Variants in FAT1 observed in about 807,000 individuals in gnomAD.
FAT1 encodes the protein FAT atypical cadherin 1, also known as protocadherin Fat 1.
FAT1 carries 171 observed loss-of-function variants against 329.8 expected under a neutral mutation model. The observed-to-expected ratio is 0.52, with a 90% CI of 0.46 to 0.59. FAT1 has a LOEUF of 0.59. Ranked by LOEUF, FAT1 falls within the 20% of genes least tolerant of loss-of-function variation. FAT1 has a pLI of 0.00. For missense variants in FAT1, 5,672 were observed against 5,774.4 expected (o/e 0.98, Z 0.57); for synonymous variants, 2,233 against 2,228.6 (o/e 1.00, Z -0.06).
chr4:186,649,856 T>C (rs192129793), intron 3 of FAT1, among the ~76,000 whole-genome samples: 98 of 152,360 alleles, frequency 6.4e-4, no homozygotes, highest in Admixed American at 3.9e-3. Context: ...ATGTTTAACA[T>C]ATACAATCTG....
Position 186,706,619 on chromosome 4 carries a change from C to T in FAT1, c.3209G>A (p.Arg1070Gln), listed in dbSNP as rs200050180. 4.3e-6 allele frequency: 7 copies of T among 1,613,822 alleles called. No homozygotes were observed. The highest frequency in any genetic ancestry group is 3.3e-4 in the Middle Eastern group (2 of 6,084). The stretch of plus-strand genomic sequence containing the variant: ...GCCAGAGCCATCTCTAATGGAGTAT[C>T]GGATCTCCCCATCTCTTCTGGCGTC... Reference protein sequence around the residue: ...DEDARRDGEIRYSIRDGSGVG... With the variant: ...DEDARRDGEIQYSIRDGSGVG... The change falls in exon 2 of 27, where the codon CGA (arginine) becomes CAA (glutamine). Residue 1070 changes from arginine to glutamine, a missense_variant. Coordinates refer to ENST00000441802, the MANE Select transcript of FAT1 (RefSeq NM_005245.4).
At chr4:186,638,433 T>C (rs375409006) in intron 4 of FAT1, among the ~76,000 whole-genome samples, 8 of 152,272 alleles carry the variant, frequency 5.3e-5, no homozygotes, top group African/African-American at 1.9e-4. Context: ...GCCCCTTCTG[T>C]CAATCCTTGT....
At chr4:186,702,352 A>C (rs1744371450) in intron 2 of FAT1, among the ~76,000 whole-genome samples, 1 of 152,218 alleles carries the variant, frequency 6.6e-6, no homozygotes, top group African/African-American at 2.4e-5. Flanking sequence ...ATATGTTTAG[A>C]GATCTGCTCT....
Position 186,619,047 on chromosome 4 carries a change from C to G in FAT1, c.7539G>C (p.Glu2513Asp), listed in dbSNP as rs1244489586. 6 of 1,614,008 alleles carry G rather than the reference C, an allele frequency of 3.7e-6. No individual in the cohort carries two copies. Among genetic ancestry groups the G allele is most frequent in the East Asian group, 2.2e-5 (1 of 44,882 alleles). The change falls in exon 10 of 27, where the codon GAG becomes GAC. Residue 2513 changes from glutamate (E) to aspartate (D), a missense_variant. Transcript: ENST00000441802. ...CAGAATCCCCATCCGTAGTTTTCAC[C>G]TCCATCACCAGGGTATGTAGGGGAG... is the stretch of plus-strand genomic sequence containing the variant. ...ENAPLHTLVMEVKTTDGDSGI... is the reference protein window; with the variant it reads ...ENAPLHTLVMDVKTTDGDSGI...
Position 186,597,966 on chromosome 4 carries a change from A to C in FAT1, c.12257+6T>G. ...TGATTATGAAAGTTAAGAAAAATACACATACCTCTGACCAGTATATAATCC... is the reference window on the plus strand; with the variant it reads ...TGATTATGAAAGTTAAGAAAAATACCCATACCTCTGACCAGTATATAATCC... On this transcript the variant is annotated splice_donor_region_variant and intron_variant, in intron 23 of 26. Coordinates refer to ENST00000441802, the MANE Select transcript of FAT1 (RefSeq NM_005245.4). 6.3e-7 allele frequency: 1 copy of C among 1,595,288 alleles called. No homozygotes were observed. The highest frequency in any genetic ancestry group is 8.5e-7 in the Non-Finnish European group (1 of 1,173,554).
intron 2 of FAT1, among the ~76,000 whole-genome samples, chr4:186,702,644 A>C (rs1744383227): frequency 6.6e-6 from 1 of 152,232 alleles, no homozygotes; most frequent in African/African-American, 2.4e-5. Flanking sequence ...ATGAACAAAA[A>C]GCTGCAGCAT....
rs566735115 is a variant in FAT1, at chr4:186,699,113, C to T, written c.3265+7450G>A. 1.5e-4 allele frequency among the ~76,000 whole-genome samples: 23 copies of T among 152,130 alleles called. No individual in the cohort carries two copies. In the South Asian group the frequency reaches 4.6e-3, roughly 30 times the overall value. ...TCTATGGAAAGACCATAAAATAGGG[C>T]CTGTACACGGCAAGTACTCACTAAA... On this transcript the variant is annotated intron_variant, in intron 2 of 26. Coordinates refer to ENST00000441802, the MANE Select transcript of FAT1 (RefSeq NM_005245.4).
In FAT1 at chr4:186,639,772, T is replaced by C. The variant is rs374385969; in HGVS notation, c.3592A>G (p.Thr1198Ala). ...SIHPKTGLIT[T>A]TSRKLDREQQ... is the part of the protein sequence containing the mutation. ...TCTCGGTCTAGCTTCCTTGACGTAG[T>C]TGTGATGAGACCTGTAAAATGATAA... Residue 1198 changes from threonine (T) to alanine (A), a missense_variant, in exon 4 of 27, where the codon ACT (threonine) becomes GCT (alanine). Around this residue, in one of 2 missense-constraint regions of FAT1, gnomAD observed 3,966 missense variants for 3,915.2 expected, o/e 1.01. Coordinates refer to ENST00000441802, the MANE Select transcript of FAT1 (RefSeq NM_005245.4). The C allele has an allele frequency of 3.8e-5, 61 of 1,612,698 alleles. No individual in the cohort carries two copies. In the Middle Eastern group the frequency reaches 4.9e-4, roughly 13 times the overall value.
At chr4:186,681,919 G>A (rs113009064) in intron 2 of FAT1, among the ~76,000 whole-genome samples, 10 of 152,218 alleles carry the variant, frequency 6.6e-5, no homozygotes, top group African/African-American at 1.9e-4. Flanking sequence ...ACTTATTTTC[G>A]TTACATTTTG....
At chr4:186,706,422 C>G in intron 2 of FAT1, 141 bp downstream of exon 2, 5 of 868,872 alleles carry the variant, frequency 5.8e-6, no homozygotes, top group Non-Finnish European at 7.0e-6. Flanking sequence ...GCAGCCGGGC[C>G]AAAAAAAATA....
At chr4:186,613,924 T>G (rs1044457833) in intron 12 of FAT1, among the ~76,000 whole-genome samples, 1 of 152,218 alleles carries the variant, frequency 6.6e-6, no homozygotes, top group African/African-American at 2.4e-5. Context: ...GAGGGTTGTT[T>G]TTTTTAAACA....
chr4:186,695,366 T>C (rs539440225), intron 2 of FAT1, among the ~76,000 whole-genome samples: 4 of 152,356 alleles, frequency 2.6e-5, no homozygotes, highest in African/African-American at 9.6e-5. Context: ...AGGCTGCTCC[T>C]AGGTAAGCAA....
At chr4:186,682,219 C>T (rs543947079) in intron 2 of FAT1, among the ~76,000 whole-genome samples, 14 of 152,250 alleles carry the variant, frequency 9.2e-5, no homozygotes, top group African/African-American at 3.4e-4. Flanking sequence ...TACTTATCTT[C>T]TGAATTGCTA....
At chr4:186,638,715 A>C (rs1165454134) in intron 4 of FAT1, among the ~76,000 whole-genome samples, 1 of 152,210 alleles carries the variant, frequency 6.6e-6, no homozygotes, top group Admixed American at 6.5e-5. Context: ...GGATAAAATG[A>C]AATTAAGCAG....
intron 9 of FAT1, among the ~76,000 whole-genome samples, chr4:186,624,304 T>C (rs1160050006): frequency 6.6e-6 from 1 of 152,172 alleles, no homozygotes; most frequent in Non-Finnish European, 1.5e-5. Context: ...TTAAGTATAT[T>C]ACACAGAACT....
chr4:186,657,594 G>C (rs327074), intron 3 of FAT1, among the ~76,000 whole-genome samples: 46,906 of 151,944 alleles, frequency 0.31, 8,484 homozygotes, highest in East Asian at 0.6. Flanking sequence ...AAAGCTATGT[G>C]AAAGCTTATC....
chr4:186,696,598 A>T (rs1460652802), intron 2 of FAT1, among the ~76,000 whole-genome samples: 1 of 152,228 alleles, frequency 6.6e-6, no homozygotes, highest in Non-Finnish European at 1.5e-5. Flanking sequence ...ATAAAGAGGC[A>T]AGTAAAAAAA....
At chr4:186,689,880 C>T (rs1373539904) in intron 2 of FAT1, among the ~76,000 whole-genome samples, 1 of 152,206 alleles carries the variant, frequency 6.6e-6, no homozygotes, top group Non-Finnish European at 1.5e-5. Flanking sequence ...AAAATTAACA[C>T]ACCATGTGAC....
upstream of FAT1, among the ~76,000 whole-genome samples, chr4:186,725,894 C>T (rs886821066): frequency 1.3e-5 from 2 of 152,138 alleles, no homozygotes; most frequent in African/African-American, 4.8e-5. The surrounding 1 kb of genome is among the most constrained non-coding windows in gnomAD (Gnocchi z 5.4). Flanking sequence ...AGAATGGGCC[C>T]GGGTGGGTGG....
Sources: allele counts gnomAD v4.1 joint callset (sites outside exome capture counted in the v4.1 genomes callset), GRCh38; gene constraint gnomAD v4.1.1; regional missense constraint gnomAD v4.1.1; non-coding constraint Gnocchi (gnomAD v3.1); transcripts MANE v1.5; gene names NCBI Gene and HGNC (gene_info 2026-07-23, HGNC 2026-07-21).